The following LRRC7 variants were observed in gnomAD, a reference collection of about 807,000 sequenced individuals.
The protein encoded by LRRC7 is leucine rich repeat containing 7.
Under a neutral mutation model 175.7 loss-of-function variants are expected in LRRC7, and 23 were observed. The ratio of observed to expected loss-of-function variants is 0.13; its 90% CI spans 0.09 to 0.19. The LOEUF is 0.19. Ranked by LOEUF, LRRC7 falls within the 10% of genes least tolerant of loss-of-function variation. LRRC7 has a pLI of 1.00. For synonymous variants in LRRC7, 685 were observed against 680.9 expected (o/e 1.01, Z -0.09); for missense variants, 1,354 against 1,904.7 (o/e 0.71, Z 5.38).
At chr1:69,914,766 A>G (rs1646636716) in intron 7 of LRRC7, among the ~76,000 whole-genome samples, 1 of 152,154 alleles carries the variant, frequency 6.6e-6, no homozygotes, top group East Asian at 1.9e-4. Flanking sequence ...TGTTTTTGTA[A>G]ATAAAGATTT....
intron 2 of LRRC7, among the ~76,000 whole-genome samples, chr1:69,741,839 C>T (rs1318969758): frequency 6.6e-6 from 1 of 151,848 alleles, no homozygotes; most frequent in Non-Finnish European, 1.5e-5. Context: ...AATTAGTTTC[C>T]CAACCTTCTT....
At chr1:69,699,546 G>A (rs1035844541) in intron 2 of LRRC7, among the ~76,000 whole-genome samples, 1 of 150,578 alleles carries the variant, frequency 6.6e-6, no homozygotes, top group Non-Finnish European at 1.5e-5. Context: ...TAAAAAAAAA[G>A]AGAGAGAATC....
At chr1:69,961,668 A>G (rs901906756) in intron 8 of LRRC7, among the ~76,000 whole-genome samples, 1 of 152,184 alleles carries the variant, frequency 6.6e-6, no homozygotes, top group African/African-American at 2.4e-5. Context: ...CAGAAAACCC[A>G]GAAATAAGAC....
chr1:69,828,577 A>G (rs889887275), intron 5 of LRRC7, among the ~76,000 whole-genome samples: 6 of 152,264 alleles, frequency 3.9e-5, no homozygotes, highest in African/African-American at 1.4e-4. Context: ...TATACATTAA[A>G]GGGAGAAATA....
chr1:69,629,523 A>G (rs1652142262), intron 1 of LRRC7, among the ~76,000 whole-genome samples: 1 of 152,204 alleles, frequency 6.6e-6, no homozygotes, highest in South Asian at 2.1e-4. Flanking sequence ...CACGTCTCCA[A>G]GCTCAGTCAC....
rs1433970523 is a variant in LRRC7, at chr1:70,040,834, G to A, written c.3969+1041G>A. ...GTCTTGGGGAAAAAAAAAATAAATT[G>A]TGTCCACAATAAAGCATGTAATATG... is the stretch of plus-strand genomic sequence containing the variant. On this transcript the variant is annotated intron_variant, in intron 21 of 26. Transcript: ENST00000651989. 4.6e-5 allele frequency among the ~76,000 whole-genome samples: 7 copies of A among 151,818 alleles called. No homozygotes were observed. In the East Asian group the frequency reaches 1.2e-3, roughly 25 times the overall value.
rs79028543 is a variant in LRRC7, at chr1:69,666,429, C to T, written c.3-11952C>T. 6.5e-3 allele frequency among the ~76,000 whole-genome samples: 995 copies of T among 152,060 alleles called. 9 individuals are homozygous for T. The highest frequency in any genetic ancestry group is 0.021 in the African/African-American group (879 of 41,532). On this transcript the variant is annotated intron_variant, in intron 1 of 26. Transcript: ENST00000651989. ...TTAAGTGTTTGGTAGAATTCATCAG[C>T]GATACCATTCGGTCCTAGGCTTTTC...
chr1:69,786,555 G>T (rs61784012), intron 3 of LRRC7, among the ~76,000 whole-genome samples: 2 of 152,014 alleles, frequency 1.3e-5, no homozygotes, highest in Non-Finnish European at 2.9e-5. Context: ...AAAGAAAGAG[G>T]TTTGTTGGAC....
intron 1 of LRRC7, among the ~76,000 whole-genome samples, chr1:69,616,406 A>T (rs1649626114): frequency 6.6e-6 from 1 of 152,034 alleles, no homozygotes; most frequent in Admixed American, 6.6e-5. Context: ...CATAATAAAA[A>T]TTTTTAGTAG....
At chr1:69,622,283 ACTTT>A (rs1650737982) in intron 1 of LRRC7, among the ~76,000 whole-genome samples, 1 of 152,188 alleles carries the variant, frequency 6.6e-6, no homozygotes, top group Non-Finnish European at 1.5e-5. Flanking sequence ...TGGGACAGAA[ACTTT>A]CTTGTTCATA....
At chr1:69,745,416 T>C (rs1224907001) in intron 2 of LRRC7, among the ~76,000 whole-genome samples, 1 of 151,898 alleles carries the variant, frequency 6.6e-6, no homozygotes, top group East Asian at 1.9e-4. Context: ...AATTAAGCAA[T>C]TTTGCAATAC....
intron 2 of LRRC7, among the ~76,000 whole-genome samples, chr1:69,720,857 A>G (rs1239608854): frequency 6.6e-6 from 1 of 151,816 alleles, no homozygotes; most frequent in East Asian, 1.9e-4. Flanking sequence ...TAAAATACTC[A>G]TAACATAAAA....
At chr1:70,088,706 G>A (rs1663795199) in intron 24 of LRRC7, among the ~76,000 whole-genome samples, 1 of 151,944 alleles carries the variant, frequency 6.6e-6, no homozygotes, top group African/African-American at 2.4e-5. Flanking sequence ...TTTTACCATA[G>A]CCCACATACA....
At chr1:69,801,651 C>A (rs1676509738) in intron 4 of LRRC7, among the ~76,000 whole-genome samples, 1 of 151,422 alleles carries the variant, frequency 6.6e-6, no homozygotes, top group Non-Finnish European at 1.5e-5. Context: ...TTTTGTTTAT[C>A]TTTTAAAGTA....
intron 2 of LRRC7, among the ~76,000 whole-genome samples, chr1:69,730,734 G>A (rs1667479095): frequency 6.6e-6 from 1 of 152,052 alleles, no homozygotes; most frequent in African/African-American, 2.4e-5. Flanking sequence ...CCTATTACCA[G>A]TTCCAAAGTA....
intron 2 of LRRC7, among the ~76,000 whole-genome samples, chr1:69,730,039 GCT>G (rs1469227086): frequency 9.2e-5 from 14 of 152,230 alleles, no homozygotes; most frequent in African/African-American, 3.1e-4. Flanking sequence ...AATGACCCAA[GCT>G]GTACCTTGGC....
intron 11 of LRRC7, among the ~76,000 whole-genome samples, chr1:69,999,787 C>T (rs888491610): frequency 2.6e-5 from 4 of 152,148 alleles, no homozygotes; most frequent in African/African-American, 9.7e-5. Flanking sequence ...TTGGGATGTA[C>T]ATCTTCCAGA....
At chr1:69,901,592 G>A (rs889205076) in intron 7 of LRRC7, among the ~76,000 whole-genome samples, 1 of 152,080 alleles carries the variant, frequency 6.6e-6, no homozygotes, top group African/African-American at 2.4e-5. Flanking sequence ...GCCTGATAGG[G>A]AAATAATTGT....
At chr1:69,713,792 A>G (rs1665046365) in intron 2 of LRRC7, among the ~76,000 whole-genome samples, 1 of 151,616 alleles carries the variant, frequency 6.6e-6, no homozygotes. Context: ...TGGGGAATAG[A>G]GATAATTGTT....
Sources: gnomAD v4.1 joint callset for allele counts (sites outside exome capture counted in the v4.1 genomes callset) on GRCh38, gnomAD v4.1.1 for gene constraint, MANE v1.5 for transcripts, NCBI Gene and HGNC (gene_info 2026-07-23, HGNC 2026-07-21) for gene names.